The following NFIX variants were observed in gnomAD, a reference collection of about 807,000 sequenced individuals.
The protein encoded by NFIX is nuclear factor I X.
A neutral mutation model predicts 53.3 loss-of-function variants in NFIX; 2 were observed. The observed-to-expected ratio is 0.04, with a 90% CI of 0.02 to 0.12. The LOEUF is 0.12. Ranked by LOEUF, NFIX falls within the 10% of genes least tolerant of loss-of-function variation. The pLI, the probability that NFIX is intolerant of heterozygous loss-of-function variation, is 1.00. For missense variants in NFIX, 310 were observed against 674.5 expected (o/e 0.46, Z 5.99); for synonymous variants, 244 against 289.0 (o/e 0.84, Z 1.58).
chr19:13,029,527 T>C (rs16978855), intron 2 of NFIX, among the ~76,000 whole-genome samples: 5,378 of 152,280 alleles, frequency 0.035, 113 homozygotes, highest in Middle Eastern at 0.082. Context: ...TGGTTTCTTT[T>C]CTGGCAGTTG....
chr19:13,037,327 G>C lies in NFIX; in HGVS notation c.559+11775G>C, dbSNP rs2014272845. Among the ~76,000 whole-genome samples the C allele has an allele frequency of 2.0e-5, 3 of 152,188 alleles. No homozygotes were observed. The highest frequency in any genetic ancestry group is 2.0e-4 in the Admixed American group (3 of 15,286). On this transcript the variant is annotated intron_variant, in intron 2 of 10. Transcript: ENST00000592199. The surrounding 1 kb of genome is among the most constrained non-coding windows in gnomAD (Gnocchi z 4.2). ...CCCGGTCATATCCTCCCCAGGGCAT[G>C]ACCACTTCCCCTACCAGACGTAGTA...
intron 2 of NFIX, among the ~76,000 whole-genome samples, chr19:13,050,937 C>A (rs2015291203): frequency 6.6e-6 from 1 of 152,208 alleles, no homozygotes; most frequent in African/African-American, 2.4e-5. Flanking sequence ...CCCTTCCGTC[C>A]TTCCAGACCA....
At chr19:13,000,230 T>C (rs1278104453) in intron 1 of NFIX, among the ~76,000 whole-genome samples, 1 of 152,152 alleles carries the variant, frequency 6.6e-6, no homozygotes, top group East Asian at 1.9e-4. Context: ...CAAAAACCAG[T>C]GTCTATCTCT....
intron 10 of NFIX, among the ~76,000 whole-genome samples, chr19:13,092,828 G>A (rs967990470): frequency 6.6e-6 from 1 of 152,254 alleles, no homozygotes; most frequent in African/African-American, 2.4e-5. Context: ...CTCTGGGGAT[G>A]CCTCAGGCCT....
chr19:13,015,835 A>C (rs1364409348), intron 1 of NFIX, among the ~76,000 whole-genome samples: 1 of 139,204 alleles, frequency 7.2e-6, no homozygotes, highest in Non-Finnish European at 1.6e-5. Context: ...CGCACTCTGC[A>C]GCAGTGAGGA....
At chr19:13,023,993 C>G in intron 1 of NFIX, 2 of 1,332,034 alleles carry the variant, frequency 1.5e-6, no homozygotes, top group Non-Finnish European at 2.0e-6. Flanking sequence ...TCCAGAATCT[C>G]AGAATCGGGC....
chr19:12,999,842 C>T (rs191684370), intron 1 of NFIX, among the ~76,000 whole-genome samples: 58 of 152,364 alleles, frequency 3.8e-4, no homozygotes, highest in African/African-American at 1.3e-3. Flanking sequence ...GTCCCTGCTC[C>T]GGCCTGGTGC....
In NFIX at chr19:13,081,633, G is replaced by A. The variant is rs1369193060; in HGVS notation, c.1079-47G>A. On this transcript the variant is annotated intron_variant, in intron 7 of 10. Transcript: ENST00000592199. The surrounding 1 kb of genome is among the most constrained non-coding windows in gnomAD (Gnocchi z 4.7). ...TCCTCTCCTGTCCCTCCCACTGGCT[G>A]CCTCCTTGGCCCTGACGCCCTTTTT... 2 of 1,587,844 alleles carry A rather than the reference G, an allele frequency of 1.3e-6. No homozygotes were observed. The highest frequency in any genetic ancestry group is 1.7e-6 in the Non-Finnish European group (2 of 1,164,782).
Position 13,074,115 on chromosome 19 carries a change from A to G in NFIX, c.818+89A>G. The G allele has an allele frequency of 2.6e-6, 4 of 1,526,008 alleles. No homozygotes were observed. In the South Asian group the frequency reaches 3.5e-5, roughly 13 times the overall value. 94.5% of individuals were successfully genotyped at this position (1,526,008 alleles called of 1,614,324 possible). ...GTGGCTATAGTCAGCTGTGTCACTG[A>G]GGCTAGGGTGCTTCAGAATGTCACC... On this transcript the variant is annotated intron_variant, in intron 5 of 10. Transcript: ENST00000592199.
chr19:13,004,084 G>C (rs2011876077), intron 1 of NFIX, among the ~76,000 whole-genome samples: 1 of 152,020 alleles, frequency 6.6e-6, no homozygotes, highest in East Asian at 1.9e-4. Context: ...ATCATTTTTG[G>C]TTGTCACACT....
At chr19:13,061,584 T>C (rs1300392796) in intron 2 of NFIX, among the ~76,000 whole-genome samples, 1 of 152,176 alleles carries the variant, frequency 6.6e-6, no homozygotes, top group Admixed American at 6.5e-5. Flanking sequence ...CTTCGCTCCC[T>C]GAACCGCGTC....
chr19:13,086,837 G>A (rs935745777), intron 8 of NFIX, among the ~76,000 whole-genome samples: 4 of 152,216 alleles, frequency 2.6e-5, no homozygotes, highest in Non-Finnish European at 1.5e-5. Context: ...CATTGTCATC[G>A]TCCAGCTGAA....
intron 2 of NFIX, among the ~76,000 whole-genome samples, chr19:13,056,845 G>C (rs1490023008): frequency 6.6e-6 from 1 of 152,234 alleles, no homozygotes; most frequent in Non-Finnish European, 1.5e-5. Flanking sequence ...CTGCTTCCAA[G>C]GAAAGCTGGT....
intron 2 of NFIX, among the ~76,000 whole-genome samples, chr19:13,030,223 A>G (rs1236331233): frequency 6.6e-6 from 1 of 152,188 alleles, no homozygotes; most frequent in Non-Finnish European, 1.5e-5. Context: ...TTTTAACCCA[A>G]TGTAGGGTCC....
At chr19:13,079,303 T>C (rs1201529955) in intron 7 of NFIX, among the ~76,000 whole-genome samples, 1 of 152,210 alleles carries the variant, frequency 6.6e-6, no homozygotes, top group Admixed American at 6.5e-5. Context: ...GTACCTGGGC[T>C]GCTCCCCAGG....
At position 13,037,643 on chromosome 19, in the gene NFIX, G is replaced by A. The variant is rs183510447; in HGVS notation, c.559+12091G>A. Among the ~76,000 whole-genome samples, 51 of 152,268 alleles carry A rather than the reference G, an allele frequency of 3.3e-4. 1 individual carries two copies. The East Asian group carries it at 5.0e-3, about 15-fold the overall frequency. ...TGGAAGAAGGCTGGATGACCAACTC[G>A]TCCTGGTTTGCTCAGAGTTTCACAG... On this transcript the variant is annotated intron_variant, in intron 2 of 10. Transcript: ENST00000592199. The surrounding 1 kb of genome is among the most constrained non-coding windows in gnomAD (Gnocchi z 4.2).
chr19:13,088,164 A>G lies in NFIX; in HGVS notation c.1402+28A>G, dbSNP rs1235377049. The G allele has an allele frequency of 6.5e-7, 1 of 1,536,016 alleles. No individual in the cohort carries two copies. Among genetic ancestry groups the G allele is most frequent in the Non-Finnish European group, 8.7e-7 (1 of 1,146,516 alleles). Reference sequence around the variant, plus strand: ...AAGTGGACGATGAAACCGAAACCACAACGCCCAGCGTCCCCGGCCCGTCCA... The same window carrying G: ...AAGTGGACGATGAAACCGAAACCACGACGCCCAGCGTCCCCGGCCCGTCCA... On this transcript the variant is annotated intron_variant, in intron 9 of 10. Coordinates refer to ENST00000592199, the MANE Select transcript of NFIX (RefSeq NM_001365902.3). This position sits in a 1 kb window ranked among gnomAD's most constrained non-coding sequence, Gnocchi z 5.9.
intron 1 of NFIX, among the ~76,000 whole-genome samples, chr19:13,020,452 C>T (rs1046279371): frequency 1.3e-5 from 2 of 152,130 alleles, no homozygotes; most frequent in Non-Finnish European, 2.9e-5. Flanking sequence ...TCTCATCTCC[C>T]GAAGCATCAG....
intron 2 of NFIX, among the ~76,000 whole-genome samples, chr19:13,042,304 A>G (rs960025586): frequency 1.4e-5 from 2 of 145,836 alleles, no homozygotes; most frequent in Non-Finnish European, 3.0e-5. Flanking sequence ...ATTACCTCTT[A>G]TTATAAGTGT....
Sources: allele counts gnomAD v4.1 joint callset (sites outside exome capture counted in the v4.1 genomes callset), GRCh38; gene constraint gnomAD v4.1.1; non-coding constraint Gnocchi (gnomAD v3.1); transcripts MANE v1.5; gene names NCBI Gene and HGNC (gene_info 2026-07-23, HGNC 2026-07-21).